The following GRIK1 variants were observed in gnomAD, a reference collection of about 807,000 sequenced individuals.
The protein encoded by GRIK1 is glutamate ionotropic receptor kainate type subunit 1, also known as glutamate receptor ionotropic, kainate 1.
Under a neutral mutation model 105.7 loss-of-function variants are expected in GRIK1, and 69 were observed. That is an observed-to-expected ratio of 0.65 (90% confidence interval 0.54 to 0.80). The LOEUF (loss-of-function observed/expected upper bound fraction) is 0.80, where lower values mean the gene tolerates loss of function less well. GRIK1 is among the 30% of genes least tolerant of loss of function. The pLI is 0.00. For missense variants in GRIK1, 1,109 were observed against 1,167.3 expected (o/e 0.95, Z 0.73); for synonymous variants, 438 against 431.3 (o/e 1.02, Z -0.19).
intron 7 of GRIK1, among the ~76,000 whole-genome samples, chr21:29,599,517 T>C (rs2061478470): frequency 6.6e-6 from 1 of 152,196 alleles, no homozygotes. Context: ...AAATCCAAAA[T>C]CAGTGTTAAC....
At chr21:29,807,965 G>A (rs1224979261) in intron 1 of GRIK1, among the ~76,000 whole-genome samples, 3 of 152,042 alleles carry the variant, frequency 2.0e-5, no homozygotes, top group East Asian at 3.9e-4. Flanking sequence ...GCTTGGTGAA[G>A]TGCAGGGTAA....
At chr21:29,600,262 G>T (rs565622484) in intron 7 of GRIK1, among the ~76,000 whole-genome samples, 27 of 152,250 alleles carry the variant, frequency 1.8e-4, no homozygotes, top group African/African-American at 6.5e-4. Flanking sequence ...CAGGGATGAG[G>T]ACATGGGTAA....
In GRIK1 at chr21:29,577,156, T is replaced by G. The variant is rs1156408665; in HGVS notation, c.1938A>C (p.Leu646=). 4 of 1,608,842 alleles carry G rather than the reference T, an allele frequency of 2.5e-6. No homozygotes were observed. Among genetic ancestry groups the G allele is most frequent in the Admixed American group, 3.3e-5 (2 of 59,990 alleles). ...QQGSELMPKA[L]STRIVGGIWW... ...ATATCCCTCCAACTATTCTGGTCGA[T>G]AGAGCTTTGGGCATCAGCTCTGATC... is the stretch of plus-strand genomic sequence containing the variant. The change falls in exon 14 of 18, where the codon CTA becomes CTC. Residue 646 remains leucine, a synonymous_variant. Transcript: ENST00000327783.
chr21:29,820,223 T>C (rs147551393), intron 1 of GRIK1, among the ~76,000 whole-genome samples: 165 of 152,154 alleles, frequency 1.1e-3, no homozygotes, highest in African/African-American at 3.9e-3. Flanking sequence ...ACTGTTTCCA[T>C]TTTTTTCTTC....
chr21:29,711,292 T>C (rs1019811237), intron 1 of GRIK1, among the ~76,000 whole-genome samples: 4 of 152,204 alleles, frequency 2.6e-5, no homozygotes, highest in Non-Finnish European at 5.9e-5. Context: ...ATAAATACCA[T>C]TGTGTTACAG....
intron 1 of GRIK1, among the ~76,000 whole-genome samples, chr21:29,857,924 G>A (rs2146078312): frequency 6.6e-6 from 1 of 152,230 alleles, no homozygotes; most frequent in East Asian, 1.9e-4. Context: ...ATTCAAGACA[G>A]AATCTTGCTC....
chr21:29,754,970 C>A (rs1169306372), intron 1 of GRIK1, among the ~76,000 whole-genome samples: 1 of 152,110 alleles, frequency 6.6e-6, no homozygotes, highest in Non-Finnish European at 1.5e-5. Flanking sequence ...ATCTAGCTAG[C>A]TACCTAGCTA....
chr21:29,770,554 TCA>T (rs367653431), intron 1 of GRIK1, among the ~76,000 whole-genome samples: 142 of 152,302 alleles, frequency 9.3e-4, no homozygotes, highest in South Asian at 5.8e-3. Flanking sequence ...GCAGAGAGAC[TCA>T]CATCCATTTT....
At chr21:29,816,419 C>T (rs986390522) in intron 1 of GRIK1, among the ~76,000 whole-genome samples, 3 of 151,734 alleles carry the variant, frequency 2.0e-5, no homozygotes, top group African/African-American at 7.3e-5. Flanking sequence ...ATAAAAATAC[C>T]ACACAATCCA....
rs750034820 is a variant in GRIK1, at chr21:29,555,126, C to T, written c.2533G>A (p.Gly845Arg). 6 of 1,613,124 alleles carry T rather than the reference C, an allele frequency of 3.7e-6. No individual in the cohort carries two copies. The highest frequency in any genetic ancestry group is 2.2e-5 in the East Asian group (1 of 44,880). Residue 845 changes from glycine (G) to arginine (R), a missense_variant, in exon 16 of 18, where the codon GGA becomes AGA. This residue lies in a region of GRIK1 where 161 missense variants were observed against 143.4 expected (regional missense o/e 1.12). Transcript: ENST00000327783. ...IGGIFIVLAA[G>R]LVLSVFVAIG... ...GCTACAAATACAGAAAGGACCAGTCCGGCAGCCAGAACAATGAAGATGCCT... is the reference window on the plus strand; with the variant it reads ...GCTACAAATACAGAAAGGACCAGTCTGGCAGCCAGAACAATGAAGATGCCT...
At chr21:29,755,608 T>C (rs373428187) in intron 1 of GRIK1, among the ~76,000 whole-genome samples, 12 of 152,250 alleles carry the variant, frequency 7.9e-5, no homozygotes, top group African/African-American at 2.6e-4. Flanking sequence ...CTCCTTTGGG[T>C]GCCTCTTTAC....
intron 7 of GRIK1, among the ~76,000 whole-genome samples, chr21:29,634,532 A>T (rs2062354428): frequency 6.6e-6 from 1 of 152,224 alleles, no homozygotes; most frequent in Admixed American, 6.5e-5. Context: ...TCAGTTCAAT[A>T]AGCATCTTTT....
intron 14 of GRIK1, among the ~76,000 whole-genome samples, chr21:29,565,380 T>A (rs1350600404): frequency 6.6e-6 from 1 of 152,210 alleles, no homozygotes; most frequent in Non-Finnish European, 1.5e-5. Context: ...TAACTTTTTT[T>A]AATAGGTAGA....
chr21:29,882,059 C>A (rs1182153120), intron 1 of GRIK1, among the ~76,000 whole-genome samples: 7 of 151,930 alleles, frequency 4.6e-5, no homozygotes, highest in Admixed American at 1.3e-4. Context: ...TGAGGCAAAG[C>A]CTTCACAGAT....
intron 3 of GRIK1, among the ~76,000 whole-genome samples, 175 bp from the exon 4 acceptor site, chr21:29,673,339 T>G (rs1462408852): frequency 6.6e-6 from 1 of 152,230 alleles, no homozygotes; most frequent in African/African-American, 2.4e-5. Context: ...TTATACCATT[T>G]TCCCTTTGTG....
chr21:29,718,909 G>C (rs1031193241), intron 1 of GRIK1, among the ~76,000 whole-genome samples: 1 of 152,058 alleles, frequency 6.6e-6, no homozygotes, highest in South Asian at 2.1e-4. Flanking sequence ...TTGTGAAACT[G>C]TTTCTTTAAA....
At chr21:29,815,108 C>T (rs2145905443) in intron 1 of GRIK1, among the ~76,000 whole-genome samples, 1 of 152,220 alleles carries the variant, frequency 6.6e-6, no homozygotes, top group Non-Finnish European at 1.5e-5. Flanking sequence ...CTACTCTTAA[C>T]TTAAGTACTA....
chr21:29,860,362 G>A (rs1472603887), intron 1 of GRIK1, among the ~76,000 whole-genome samples: 20 of 152,188 alleles, frequency 1.3e-4, no homozygotes, highest in Admixed American at 1.3e-3. Flanking sequence ...CTCAAGACAA[G>A]GGCAAGGAAG....
At chr21:29,644,646 T>C (rs2249054) in intron 6 of GRIK1, among the ~76,000 whole-genome samples, 58,583 of 151,810 alleles carry the variant, frequency 0.39, 11,479 homozygotes, top group African/African-American at 0.45. Flanking sequence ...CTAAGGCTCA[T>C]GGAAATTGAC....
Sources: gnomAD v4.1 joint callset for allele counts (sites outside exome capture counted in the v4.1 genomes callset) on GRCh38, gnomAD v4.1.1 for gene constraint, gnomAD v4.1.1 regional missense constraint, MANE v1.5 for transcripts, NCBI Gene and HGNC (gene_info 2026-07-23, HGNC 2026-07-21) for gene names.